SLC9D1: variants seen among roughly 807,000 people sequenced by gnomAD.
The protein encoded by SLC9D1 is putative LAG1-interacting protein.
chr13:113,502,166 T>C, the SLC9D1 span, among the ~76,000 whole-genome samples: 2 of 152,122 alleles, frequency 1.3e-5, no homozygotes, highest in Non-Finnish European at 2.9e-5. Context: ...AGACCACCTT[T>C]CACGTGCTGA....
the SLC9D1 span, among the ~76,000 whole-genome samples, chr13:113,544,269 G>C: frequency 6.6e-6 from 1 of 152,242 alleles, no homozygotes; most frequent in African/African-American, 2.4e-5. Context: ...CTTCTGAGTC[G>C]AGGCTGCATC....
At chr13:113,530,258 G>A in the SLC9D1 span, 3 of 152,180 alleles carry the variant, frequency 2.0e-5, no homozygotes, top group African/African-American at 7.2e-5. Context: ...TTCTTTTTGG[G>A]ATGATGAAAG....
At chr13:113,548,500 A>G in the SLC9D1 span, 3 of 1,564,918 alleles carry the variant, frequency 1.9e-6, no homozygotes, top group South Asian at 2.3e-5. Context: ...CACGGGCTGC[A>G]CTCTGGGTTT....
the SLC9D1 span, among the ~76,000 whole-genome samples, chr13:113,520,305 G>A: frequency 6.6e-6 from 1 of 152,004 alleles, no homozygotes; most frequent in Non-Finnish European, 1.5e-5. Flanking sequence ...CCAACATGGT[G>A]AAACCCCGTC....
the SLC9D1 span, among the ~76,000 whole-genome samples, chr13:113,494,736 C>CA: frequency 6.3e-4 from 96 of 152,078 alleles, 1 homozygote; most frequent in African/African-American, 2.2e-3. Flanking sequence ...GGCAACATTT[C>CA]AAATGATTTT....
At chr13:113,532,576 G>A in the SLC9D1 span, among the ~76,000 whole-genome samples, 1 of 152,148 alleles carries the variant, frequency 6.6e-6, no homozygotes, top group Admixed American at 6.5e-5. Context: ...TGGGGGAAGG[G>A]GTGGCAGCCC....
the SLC9D1 span, chr13:113,501,841 T>G: frequency 6.2e-7 from 1 of 1,612,134 alleles, no homozygotes; most frequent in Non-Finnish European, 8.5e-7. Flanking sequence ...ATATTATTTG[T>G]GGTGTACTTC....
chr13:113,517,995 T>C, the SLC9D1 span, among the ~76,000 whole-genome samples: 3 of 152,134 alleles, frequency 2.0e-5, no homozygotes, highest in South Asian at 6.2e-4. Context: ...AATTCCTTAG[T>C]GGGTATGTGA....
At chr13:113,520,007 G>A in the SLC9D1 span, among the ~76,000 whole-genome samples, 11 of 152,300 alleles carry the variant, frequency 7.2e-5, no homozygotes, top group African/African-American at 2.6e-4. Context: ...AGTGAAATTG[G>A]TGTGATTATC....
chr13:113,536,896 CCA>C, the SLC9D1 span, among the ~76,000 whole-genome samples: 2 of 152,176 alleles, frequency 1.3e-5, no homozygotes, highest in Non-Finnish European at 2.9e-5. Context: ...GTGGGTTTCC[CCA>C]AAGTCGCCAT....
the SLC9D1 span, among the ~76,000 whole-genome samples, chr13:113,512,224 C>T: frequency 2.8e-4 from 38 of 137,378 alleles, no homozygotes; most frequent in Non-Finnish European, 3.9e-4. Flanking sequence ...TATATATACA[C>T]TCGGAGTCGC....
the SLC9D1 span, chr13:113,547,364 A>G: frequency 1.2e-6 from 2 of 1,613,756 alleles, no homozygotes; most frequent in Non-Finnish European, 1.7e-6. Context: ...TCACCTTGTC[A>G]GTGGTGGTGA....
the SLC9D1 span, among the ~76,000 whole-genome samples, chr13:113,515,254 G>C: frequency 0.33 from 49,725 of 152,088 alleles, 8,757 homozygotes; most frequent in South Asian, 0.48. Context: ...ATGCTGGACA[G>C]TTAAGATGTA....
chr13:113,547,221 C>A, the SLC9D1 span: 1 of 1,055,112 alleles, frequency 9.5e-7, no homozygotes, highest in Non-Finnish European at 1.5e-6. Flanking sequence ...AAGCAAGTGA[C>A]ACACTGAAGT....
chr13:113,510,318 G>A, the SLC9D1 span: 3 of 1,614,218 alleles, frequency 1.9e-6, no homozygotes, highest in African/African-American at 1.3e-5. Context: ...GGCATCTCTT[G>A]CGGATCAAAC....
At chr13:113,540,678 G>A in the SLC9D1 span, among the ~76,000 whole-genome samples, 6 of 152,164 alleles carry the variant, frequency 3.9e-5, no homozygotes, top group Non-Finnish European at 7.3e-5. Flanking sequence ...TCTCGCATTC[G>A]TAGGCTGTCT....
chr13:113,534,027 C>G, the SLC9D1 span: 12 of 1,567,780 alleles, frequency 7.7e-6, no homozygotes, highest in South Asian at 1.4e-4. Context: ...GAAATCACGT[C>G]TCTTTTTTCT....
At chr13:113,543,159 T>TCCCTGTCTGTG in the SLC9D1 span, among the ~76,000 whole-genome samples, 1 of 41,372 alleles carries the variant, frequency 2.4e-5, no homozygotes, top group African/African-American at 1.8e-4. Context: ...CCCCCCGCCC[T>TCCCTGTCTGTG]ACCTCTGTCC....
chr13:113,503,638 T>C, the SLC9D1 span: 1 of 1,252,142 alleles, frequency 8.0e-7, no homozygotes, highest in South Asian at 1.2e-5. Context: ...TCACATCATG[T>C]GGTTTTGGTT....
Sources: gnomAD v4.1 joint callset for allele counts (sites outside exome capture counted in the v4.1 genomes callset) on GRCh38, gnomAD v4.1.1 for gene constraint, MANE v1.5 for transcripts, NCBI Gene and HGNC (gene_info 2026-07-23, HGNC 2026-07-21) for gene names.